Variants in SULT1C4 observed in about 807,000 individuals in gnomAD.
SULT1C4 encodes the protein sulfotransferase family 1C member 4.
SULT1C4 carries 32 observed loss-of-function variants against 34.8 expected under a neutral mutation model. The observed-to-expected ratio is 0.92, with a 90% CI of 0.69 to 1.23. SULT1C4 has a LOEUF of 1.23. Ranked by LOEUF, SULT1C4 falls within the 50% of genes most tolerant of loss-of-function variation. The probability of loss-of-function intolerance (pLI) is 0.00; values close to 1 mark genes in which losing one functional copy is unlikely to be tolerated. For synonymous variants in SULT1C4, 111 were observed against 120.5 expected (o/e 0.92, Z 0.51); for missense variants, 375 against 365.9 (o/e 1.02, Z -0.20).
At chr2:108,382,997 C>A in intron 3 of SULT1C4, 96 bp from the exon 4 acceptor site, 1 of 1,354,622 alleles carries the variant, frequency 7.4e-7, no homozygotes. Context: ...AATGTATCTA[C>A]CCTAACATGA....
chr2:108,381,995 T>C, intron 2 of SULT1C4, 108 bp downstream of exon 2: 4 of 1,277,424 alleles, frequency 3.1e-6, no homozygotes, highest in Non-Finnish European at 4.1e-6. Flanking sequence ...TTGGTAAGTT[T>C]CATGGTTTTG....
chr2:108,378,430 C>T lies in SULT1C4; in HGVS notation c.93C>T (p.Thr31=), dbSNP rs1292280188. 5 of 1,614,176 alleles carry T rather than the reference C, an allele frequency of 3.1e-6. No homozygotes were observed. Among genetic ancestry groups the T allele is most frequent in the Non-Finnish European group, 4.2e-6 (5 of 1,180,030 alleles). The change falls in exon 1 of 7, where the codon ACC becomes ACT. Residue 31 remains threonine, a synonymous_variant. Transcript: ENST00000272452. ...AGGGAATTCTTCAACCGACAGACAC[C>T]TGTGACATCTGGGATAAGATCTGGA... ...YVKGILQPTD[T]CDIWDKIWNF...
chr2:108,387,429 C>G lies in SULT1C4; in HGVS notation c.906C>G (p.Phe302Leu). Residue 302 changes from phenylalanine (F) to leucine (L), a missense_variant, in exon 7 of 7, where the codon TTC becomes TTG. By Grantham distance (22) the Phe-to-Leu change is conservative. Coordinates refer to ENST00000272452, the MANE Select transcript of SULT1C4 (RefSeq NM_006588.4). ...CCAGACTAACTTTCCACTTCCAGTTCTAGTAAGGAAGAAAAACTGAAAATG... is the reference window on the plus strand; with the variant it reads ...CCAGACTAACTTTCCACTTCCAGTTGTAGTAAGGAAGAAAAACTGAAAATG... ...TDTRLTFHFQ[F>L] is the part of the protein sequence containing the mutation. The G allele has an allele frequency of 6.2e-7, 1 of 1,601,954 alleles. No individual in the cohort carries two copies. Among genetic ancestry groups the G allele is most frequent in the Non-Finnish European group, 8.5e-7 (1 of 1,171,488 alleles).
intron 1 of SULT1C4, among the ~76,000 whole-genome samples, chr2:108,381,068 T>C (rs1293421691): frequency 6.6e-6 from 1 of 152,180 alleles, no homozygotes; most frequent in African/African-American, 2.4e-5. Context: ...TCCTACGCTA[T>C]GCAACTGGGA....
chr2:108,383,364 G>C, intron 4 of SULT1C4, 52 bp from the exon 5 acceptor site: 1 of 1,600,364 alleles, frequency 6.2e-7, no homozygotes, highest in South Asian at 1.1e-5. Context: ...CCTTTCAGTG[G>C]TATAATAGGA....
In SULT1C4 at chr2:108,387,331, G is replaced by C. The variant is rs1362579458; in HGVS notation, c.808G>C (p.Asp270His). Reference sequence around the variant, plus strand: ...TAACTGTATTTCAGGGGCAGTGGGAGACTGGAAGAAACACTTCACCGTGGC... The same window carrying C: ...TAACTGTATTTCAGGGGCAGTGGGACACTGGAAGAAACACTTCACCGTGGC... Reference protein sequence around the residue: ...SPFMRKGAVGDWKKHFTVAQN... With the variant: ...SPFMRKGAVGHWKKHFTVAQN... Residue 270 changes from aspartate to histidine, a missense_variant, in exon 7 of 7, where the codon GAC becomes CAC. By Grantham distance (81) the Asp-to-His change is moderately conservative. Transcript: ENST00000272452. The C allele has an allele frequency of 6.2e-7, 1 of 1,613,314 alleles. No individual in the cohort carries two copies. The highest frequency in any genetic ancestry group is 8.5e-7 in the Non-Finnish European group (1 of 1,179,622).
At position 108,387,384 on chromosome 2, in the gene SULT1C4, CA is replaced by C. The variant is rs747223864; in HGVS notation, c.863del (p.Lys288ArgfsTer4). ...AGAATGAGAGATTTGATGAAGATTA[CA>C]AGAAGAAAATGACTGATACCAGACT... Reference protein sequence around the residue: ...AQNERFDEDYKKKMTDTRLTF... With the variant: ...AQNERFDEDYXKKMTDTRLTF... On this transcript the variant is annotated frameshift_variant, in exon 7 of 7. Transcript: ENST00000272452. LOFTEE classifies it low-confidence loss of function (END_TRUNC). 1.2e-6 allele frequency: 2 copies of C among 1,613,600 alleles called. No homozygotes were observed. The highest frequency in any genetic ancestry group is 2.2e-5 in the East Asian group (1 of 44,840).
intron 1 of SULT1C4, among the ~76,000 whole-genome samples, chr2:108,379,664 TA>T (rs1219530874): frequency 6.6e-6 from 1 of 152,206 alleles, no homozygotes; most frequent in Non-Finnish European, 1.5e-5. Context: ...CCATCTAAAG[TA>T]ATATTTAATC....
intron 5 of SULT1C4, among the ~76,000 whole-genome samples, 197 bp downstream of exon 5, chr2:108,383,707 G>GT (rs1678491365): frequency 1.3e-5 from 2 of 152,158 alleles, no homozygotes; most frequent in African/African-American, 4.8e-5. Context: ...GCAGCTTCCT[G>GT]GTGCTCCCAG....
chr2:108,387,214 C>A, intron 6 of SULT1C4, 106 bp from the exon 7 acceptor site: 3 of 817,716 alleles, frequency 3.7e-6, no homozygotes, highest in South Asian at 1.8e-5. Context: ...TCCAATACTG[C>A]CCTTCCTAGA....
rs372071845 is a variant in SULT1C4, at chr2:108,386,285, G to A, written c.709G>A (p.Asp237Asn). ...TAAAATTGTCCATTACACTTCGTTTGATGTCATGAAACAGAATCCAATGGC... is the reference window on the plus strand; with the variant it reads ...TAAAATTGTCCATTACACTTCGTTTAATGTCATGAAACAGAATCCAATGGC... Reference protein sequence around the residue: ...LDKIVHYTSFDVMKQNPMANY... With the variant: ...LDKIVHYTSFNVMKQNPMANY... The change falls in exon 6 of 7, where the codon GAT becomes AAT. Residue 237 changes from aspartate to asparagine, a missense_variant. Physicochemically the swap from Asp to Asn is conservative, Grantham distance 23. Transcript: ENST00000272452. 8 of 1,586,336 alleles carry A rather than the reference G, an allele frequency of 5.0e-6. No individual in the cohort carries two copies. Among genetic ancestry groups the A allele is most frequent in the Non-Finnish European group, 6.9e-6 (8 of 1,165,714 alleles).
In SULT1C4 at chr2:108,387,203, G is replaced by A. The variant is rs1034894048; in HGVS notation, c.797-117G>A. 9.5e-6 allele frequency: 7 copies of A among 735,980 alleles called. No homozygotes were observed. In the East Asian group the frequency reaches 1.9e-4, roughly 20 times the overall value. The allele number at this position is 735,980 out of a possible 1,614,324, so 45.6% of individuals were successfully genotyped here. On this transcript the variant is annotated intron_variant, in intron 6 of 6. Transcript: ENST00000272452. ...GACAGGATAGCAAGAGAAACGTTTTGTCCAATACTGCCCTTCCTAGAACAT... is the reference window on the plus strand; with the variant it reads ...GACAGGATAGCAAGAGAAACGTTTTATCCAATACTGCCCTTCCTAGAACAT...
At chr2:108,381,301 G>C (rs1278581868) in intron 1 of SULT1C4, among the ~76,000 whole-genome samples, 1 of 151,940 alleles carries the variant, frequency 6.6e-6, no homozygotes, top group East Asian at 1.9e-4. Context: ...TATAAATAAG[G>C]AATGCTATCT....
intron 2 of SULT1C4, chr2:108,382,112 T>C (rs1013857369): frequency 1.8e-6 from 1 of 558,736 alleles, no homozygotes; most frequent in African/African-American, 1.9e-5. Flanking sequence ...TAGAAATTAA[T>C]TTTACTTCAA....
intron 5 of SULT1C4, 67 bp downstream of exon 5, chr2:108,383,577 C>A: frequency 7.1e-7 from 1 of 1,407,446 alleles, no homozygotes; most frequent in Non-Finnish European, 9.7e-7. Flanking sequence ...ATGCATTGAC[C>A]CCATCAGGGA....
rs202210380 is a variant in SULT1C4 at position 108,378,421 on chromosome 2, G to A, written c.84G>A (p.Pro28=). 63 of 1,614,036 alleles carry A rather than the reference G, an allele frequency of 3.9e-5. No individual in the cohort carries two copies. The highest frequency in any genetic ancestry group is 5.1e-5 in the Non-Finnish European group (60 of 1,180,030). The part of the protein sequence containing the change: ...SVNYVKGILQ[P]TDTCDIWDKI... The stretch of plus-strand genomic sequence containing the variant: ...ACTACGTGAAGGGAATTCTTCAACC[G>A]ACAGACACCTGTGACATCTGGGATA... Residue 28 remains proline, a synonymous_variant, in exon 1 of 7, where the codon CCG becomes CCA. Transcript: ENST00000272452.
intron 1 of SULT1C4, among the ~76,000 whole-genome samples, chr2:108,380,978 A>G (rs1350077197): frequency 6.6e-6 from 1 of 152,198 alleles, no homozygotes; most frequent in East Asian, 1.9e-4. Context: ...AAGGCGAAAA[A>G]TTGAATACTA....
Position 108,381,748 on chromosome 2 carries a change from T to G in SULT1C4, c.170-14T>G, listed in dbSNP as rs370575476. 5 of 1,371,282 alleles carry G rather than the reference T, an allele frequency of 3.6e-6. No individual in the cohort carries two copies. The highest frequency in any genetic ancestry group is 4.7e-6 in the Non-Finnish European group (5 of 1,055,996). 84.9% of individuals were successfully genotyped at this position (1,371,282 alleles called of 1,614,324 possible). The stretch of plus-strand genomic sequence containing the variant: ...ACTAGATGTCTATTCATCTTCATTT[T>G]ACGTGCACGTAAGGAACAACATGGA... On this transcript the variant is annotated splice_polypyrimidine_tract_variant and intron_variant, in intron 1 of 6. Coordinates refer to ENST00000272452, the MANE Select transcript of SULT1C4 (RefSeq NM_006588.4).
In SULT1C4 at chr2:108,383,583, A is replaced by G. The variant is rs1678486560; in HGVS notation, c.615+73A>G. ...TAAGTCATAATGCATTGACCCCATC[A>G]GGGACTCAGATTGATGCGGGGAACC... On this transcript the variant is annotated intron_variant, in intron 5 of 6. Transcript: ENST00000272452. 13 of 1,368,016 alleles carry G rather than the reference A, an allele frequency of 9.5e-6. No individual in the cohort carries two copies. In the East Asian group the frequency reaches 2.6e-4, roughly 27 times the overall value. 84.7% of individuals were successfully genotyped at this position (1,368,016 alleles called of 1,614,324 possible).
Sources: gnomAD v4.1 joint callset for allele counts (sites outside exome capture counted in the v4.1 genomes callset) on GRCh38, gnomAD v4.1.1 for gene constraint, MANE v1.5 for transcripts, NCBI Gene and HGNC (gene_info 2026-07-23, HGNC 2026-07-21) for gene names.